UTRN: variants seen among roughly 807,000 people sequenced by gnomAD.
The protein encoded by UTRN is dystrophin-related protein 1.
A neutral mutation model predicts 463.9 loss-of-function variants in UTRN; 283 were observed. That is an observed-to-expected ratio of 0.61 (90% CI 0.55 to 0.67). The LOEUF is 0.67. Ranked by LOEUF, UTRN falls within the 30% of genes least tolerant of loss-of-function variation. The probability of loss-of-function intolerance (pLI) is 0.00; values close to 1 mark genes in which losing one functional copy is unlikely to be tolerated. For synonymous variants in UTRN, 1,442 were observed against 1,431.5 expected (o/e 1.01, Z -0.17); for missense variants, 3,922 against 4,084.3 (o/e 0.96, Z 1.08).
intron 65 of UTRN, among the ~76,000 whole-genome samples, chr6:144,815,103 C>A (rs549279172): frequency 4.6e-5 from 7 of 152,148 alleles, no homozygotes; most frequent in Non-Finnish European, 7.4e-5. Flanking sequence ...TGAACTTGAC[C>A]TTCAATAATG....
intron 53 of UTRN, among the ~76,000 whole-genome samples, chr6:144,728,663 G>C (rs914376437): frequency 3.4e-5 from 5 of 146,212 alleles, no homozygotes; most frequent in Non-Finnish European, 5.9e-5. Flanking sequence ...GTCAGTCTTT[G>C]GTTTTATGGA....
chr6:144,426,209 T>TTC, intron 6 of UTRN, 78 bp from the exon 7 acceptor site: 2 of 1,512,088 alleles, frequency 1.3e-6, no homozygotes, highest in Non-Finnish European at 1.8e-6. Context: ...ATATTGCTTT[T>TTC]TCAAGGACTT....
intron 60 of UTRN, among the ~76,000 whole-genome samples, chr6:144,776,695 T>C (rs1775353893): frequency 6.6e-6 from 1 of 152,182 alleles, no homozygotes; most frequent in African/African-American, 2.4e-5. Context: ...CACTTAGTGA[T>C]AGAAATGGCA....
intron 25 of UTRN, among the ~76,000 whole-genome samples, chr6:144,477,562 G>A (rs190884426): frequency 2.7e-4 from 35 of 129,198 alleles, no homozygotes; most frequent in South Asian, 5.5e-4. Flanking sequence ...ACACACACAC[G>A]CACACACCCT....
At chr6:144,323,876 C>T (rs55885809) in intron 2 of UTRN, among the ~76,000 whole-genome samples, 2,494 of 152,256 alleles carry the variant, frequency 0.016, 71 homozygotes, top group African/African-American at 0.057. Flanking sequence ...TTTCTCCATC[C>T]TTAGGTAGCC....
chr6:144,514,245 A>G (rs1479684905), intron 36 of UTRN, among the ~76,000 whole-genome samples: 1 of 152,220 alleles, frequency 6.6e-6, no homozygotes, highest in Non-Finnish European at 1.5e-5. Flanking sequence ...ATTTCAGCAC[A>G]ATCAACCGGA....
intron 2 of UTRN, among the ~76,000 whole-genome samples, chr6:144,336,343 C>T (rs1776719118): frequency 6.6e-6 from 1 of 152,182 alleles, no homozygotes; most frequent in African/African-American, 2.4e-5. Flanking sequence ...GCACACTCAC[C>T]TGTGGAGAGC....
intron 65 of UTRN, among the ~76,000 whole-genome samples, chr6:144,803,680 A>C (rs1777898471): frequency 6.6e-6 from 1 of 151,868 alleles, no homozygotes; most frequent in Non-Finnish European, 1.5e-5. Context: ...AAAATTTTTA[A>C]TTGAGTGAAT....
At chr6:144,301,892 G>A (rs556955721) in intron 2 of UTRN, among the ~76,000 whole-genome samples, 1 of 152,078 alleles carries the variant, frequency 6.6e-6, no homozygotes, top group African/African-American at 2.4e-5. Flanking sequence ...AAACCACCAT[G>A]AAGGAGGCAG....
chr6:144,652,679 G>C (rs944069551), intron 51 of UTRN, among the ~76,000 whole-genome samples: 4 of 152,196 alleles, frequency 2.6e-5, no homozygotes, highest in South Asian at 2.1e-4. Flanking sequence ...AGAATAGCTC[G>C]AGTTATATAA....
At chr6:144,399,537 C>CT (rs1782750111) in intron 2 of UTRN, among the ~76,000 whole-genome samples, 1 of 152,146 alleles carries the variant, frequency 6.6e-6, no homozygotes, top group Non-Finnish European at 1.5e-5. Flanking sequence ...GGCTAAAGGT[C>CT]TAGGTGCTAC....
intron 51 of UTRN, among the ~76,000 whole-genome samples, chr6:144,662,083 G>A (rs924530279): frequency 6.6e-6 from 1 of 152,070 alleles, no homozygotes; most frequent in Admixed American, 6.6e-5. Flanking sequence ...TCAGTCTGAA[G>A]TTCTCCATAT....
chr6:144,824,507 TTGTATATATA>T (rs1354672040), intron 66 of UTRN, among the ~76,000 whole-genome samples: 70 of 113,116 alleles, frequency 6.2e-4, no homozygotes, highest in Middle Eastern at 5.2e-3. Context: ...TATGTATATA[TTGTATATATA>T]TGTATATATA....
chr6:144,752,025 C>T (rs878855601), intron 56 of UTRN, 73 bp downstream of exon 56: 1 of 1,358,540 alleles, frequency 7.4e-7, no homozygotes, highest in Non-Finnish European at 9.7e-7. Context: ...CACTATATTA[C>T]CACTCACCGT....
chr6:144,334,497 G>A (rs754591501), intron 2 of UTRN, among the ~76,000 whole-genome samples: 47 of 152,224 alleles, frequency 3.1e-4, no homozygotes, highest in African/African-American at 2.2e-4. Context: ...AGTTTGAGGC[G>A]TGGGTTTGTG....
At position 144,474,727 on chromosome 6, in the gene UTRN, T is replaced by C. The variant is rs758647963; in HGVS notation, c.3304T>C (p.Tyr1102His). Residue 1102 changes from tyrosine to histidine, a missense_variant, in exon 25 of 75, where the codon TAC (tyrosine) becomes CAC (histidine). Transcript: ENST00000367545. ...TTGGGTGCAGACAAGACTAGGTGAC[T>C]ACCAAACTCAACTGGAGAAACTTAG... ...KTWVQTRLGD[Y>H]QTQLEKLSKE... 5 of 1,613,512 alleles carry C rather than the reference T, an allele frequency of 3.1e-6. No individual in the cohort carries two copies. In the South Asian group the frequency reaches 4.4e-5, roughly 14 times the overall value.
At chr6:144,714,685 T>C (rs573633771) in intron 53 of UTRN, among the ~76,000 whole-genome samples, 2 of 152,334 alleles carry the variant, frequency 1.3e-5, no homozygotes, top group South Asian at 4.1e-4. Flanking sequence ...AACACAATAT[T>C]GAATGCCTCT....
intron 2 of UTRN, among the ~76,000 whole-genome samples, chr6:144,329,380 C>T (rs575655635): frequency 6.6e-6 from 1 of 152,290 alleles, no homozygotes; most frequent in South Asian, 2.1e-4. Flanking sequence ...CGCACCCAGC[C>T]TGACAAATAT....
At chr6:144,543,271 A>G (rs1798134939) in intron 46 of UTRN, among the ~76,000 whole-genome samples, 1 of 152,224 alleles carries the variant, frequency 6.6e-6, no homozygotes, top group East Asian at 1.9e-4. Context: ...CCTGATCATG[A>G]CTGAGAACAA....
Sources: gnomAD v4.1 joint callset for allele counts (sites outside exome capture counted in the v4.1 genomes callset) on GRCh38, gnomAD v4.1.1 for gene constraint, MANE v1.5 for transcripts, NCBI Gene and HGNC (gene_info 2026-07-23, HGNC 2026-07-21) for gene names.